SOX6: variants seen among roughly 807,000 people sequenced by gnomAD.
The protein encoded by SOX6 is SRY-box transcription factor 6, also known as transcription factor SOX-6.
In SOX6, 11 loss-of-function variants were observed where a neutral mutation model predicts 97.8. That is an observed-to-expected ratio of 0.11 (90% confidence interval 0.07 to 0.19). SOX6 has a LOEUF of 0.19. Among genes scored for constraint, SOX6 ranks in the 10% least tolerant of loss-of-function variants. The probability of loss-of-function intolerance (pLI) is 1.00; values close to 1 mark genes in which losing one functional copy is unlikely to be tolerated. For synonymous variants in SOX6, 360 were observed against 371.4 expected (o/e 0.97, Z 0.35); for missense variants, 810 against 1,039.5 (o/e 0.78, Z 3.04).
intron 6 of SOX6, among the ~76,000 whole-genome samples, chr11:16,144,550 T>C (rs933371317): frequency 6.6e-6 from 1 of 152,046 alleles, no homozygotes; most frequent in Non-Finnish European, 1.5e-5. Flanking sequence ...AAAAAATCAA[T>C]GAATCCAGCA....
chr11:16,339,054 A>G (rs1302135169), intron 2 of SOX6, among the ~76,000 whole-genome samples: 1 of 152,050 alleles, frequency 6.6e-6, no homozygotes, highest in Non-Finnish European at 1.5e-5. Flanking sequence ...AAGCCAAAAT[A>G]TGTCTTAAAC....
chr11:16,496,871 C>G lies in SOX6; in HGVS notation n.610-20483G>C, dbSNP rs564446533. Among the ~76,000 whole-genome samples, 6 of 152,318 alleles carry G rather than the reference C, an allele frequency of 3.9e-5. No individual in the cohort carries two copies. The South Asian group carries it at 1.2e-3, about 32-fold the overall frequency. ...GCAGGTCAAGGAGGCCTGCCTGCCTCTATAGACTCCACCTCTGGGGAGAGT... is the reference window on the plus strand; with the variant it reads ...GCAGGTCAAGGAGGCCTGCCTGCCTGTATAGACTCCACCTCTGGGGAGAGT... On this transcript the variant is annotated intron_variant and non_coding_transcript_variant, in intron 4 of 5. Coordinates refer to the SOX6 transcript ENST00000524520.
At position 16,588,539 on chromosome 11, in the gene SOX6, G is replaced by C. The variant is rs75494746; in HGVS notation, n.609+23542C>G. ...CTGATTTTATCTAAATCCAAGGAAG[G>C]CTGGGTGCAGAAACAACAAAGAGCC... is the stretch of plus-strand genomic sequence containing the variant. On this transcript the variant is annotated intron_variant and non_coding_transcript_variant, in intron 4 of 5. Transcript: ENST00000524520. Among the ~76,000 whole-genome samples the C allele has an allele frequency of 5.8e-4, 89 of 152,208 alleles. 3 individuals carry two copies. The East Asian group carries it at 6.0e-3, about 10-fold the overall frequency.
At chr11:16,737,537 T>G (rs1216420905) in intron 1 of SOX6, among the ~76,000 whole-genome samples, 2 of 151,754 alleles carry the variant, frequency 1.3e-5, no homozygotes, top group Non-Finnish European at 2.9e-5. Flanking sequence ...AAAAATCACA[T>G]TTGTATTCAA....
At chr11:16,318,405 G>A (rs768411438) in intron 3 of SOX6, 41 bp downstream of exon 3, 22 of 1,569,034 alleles carry the variant, frequency 1.4e-5, no homozygotes, top group East Asian at 2.3e-5. Flanking sequence ...GGAATCTTTA[G>A]AAGAAAAAAA....
At chr11:16,469,076 GA>G (rs1432195673) in intron 1 of SOX6, among the ~76,000 whole-genome samples, 4,194 of 132,376 alleles carry the variant, frequency 0.032, 163 homozygotes, top group African/African-American at 0.1. Context: ...TTGGTACAGC[GA>G]AAAAAAAAAA....
chr11:16,560,580 CATATATGTTTATACGT>C (rs1847803024), intron 4 of SOX6, among the ~76,000 whole-genome samples: 1 of 105,752 alleles, frequency 9.5e-6, no homozygotes, highest in Non-Finnish European at 2.0e-5. Context: ...TTTATACGTA[CATATATGTTTATACGT>C]ACATGTATGT....
chr11:16,176,533 T>A (rs1312586626), intron 6 of SOX6, among the ~76,000 whole-genome samples: 1 of 151,864 alleles, frequency 6.6e-6, no homozygotes, highest in Non-Finnish European at 1.5e-5. Flanking sequence ...GGTTCATATG[T>A]AAACACCAAA....
At chr11:16,432,234 G>A (rs17555513) in intron 1 of SOX6, among the ~76,000 whole-genome samples, 4,444 of 151,980 alleles carry the variant, frequency 0.029, 94 homozygotes, top group Non-Finnish European at 0.042. Context: ...AAATATCTGC[G>A]CCCCACTGAG....
intron 6 of SOX6, among the ~76,000 whole-genome samples, chr11:16,179,519 G>T (rs916820175): frequency 9.9e-5 from 15 of 151,868 alleles, no homozygotes; most frequent in Admixed American, 6.6e-5. Context: ...AAAGTTTTCA[G>T]ATAAGACAAA....
chr11:16,389,965 G>T, intron 1 of SOX6, among the ~76,000 whole-genome samples: 1 of 33,016 alleles, frequency 3.0e-5, no homozygotes, highest in African/African-American at 1.5e-4. Context: ...GCAAGACTCC[G>T]TCTTAAAAAA....
chr11:16,404,812 A>T (rs1179258793), intron 1 of SOX6, among the ~76,000 whole-genome samples: 1 of 152,026 alleles, frequency 6.6e-6, no homozygotes, highest in Non-Finnish European at 1.5e-5. Context: ...GAAATGTTTT[A>T]AACTCTTTTG....
chr11:16,456,656 T>C (rs1314607600), intron 1 of SOX6, among the ~76,000 whole-genome samples: 2 of 152,138 alleles, frequency 1.3e-5, no homozygotes, highest in African/African-American at 2.4e-5. Context: ...TAGTTATGTA[T>C]GTCAATGCAG....
chr11:16,558,823 T>A (rs1847777245), intron 4 of SOX6, among the ~76,000 whole-genome samples: 1 of 151,980 alleles, frequency 6.6e-6, no homozygotes, highest in Non-Finnish European at 1.5e-5. Context: ...AAATAAGAAT[T>A]CTCAACTAAA....
chr11:16,141,415 C>A (rs1354972953), intron 6 of SOX6, among the ~76,000 whole-genome samples: 1 of 152,090 alleles, frequency 6.6e-6, no homozygotes, highest in Non-Finnish European at 1.5e-5. Flanking sequence ...GGAACAGCTC[C>A]AGTGTACAGC....
intron 4 of SOX6, among the ~76,000 whole-genome samples, chr11:16,508,700 G>A (rs1193754607): frequency 6.6e-6 from 1 of 152,080 alleles, no homozygotes; most frequent in Non-Finnish European, 1.5e-5. Flanking sequence ...AGGAGGGTGG[G>A]AGATGAGGAA....
intron 1 of SOX6, among the ~76,000 whole-genome samples, chr11:16,445,672 G>C (rs962117355): frequency 2.0e-5 from 3 of 151,950 alleles, no homozygotes; most frequent in Non-Finnish European, 4.4e-5. Flanking sequence ...GAGTACCCTT[G>C]AGGAGGCTGG....
At chr11:16,187,150 C>A (rs949497341) in intron 4 of SOX6, among the ~76,000 whole-genome samples, 195 bp from the exon 5 acceptor site, 1 of 152,064 alleles carries the variant, frequency 6.6e-6, no homozygotes, top group Non-Finnish European at 1.5e-5. Flanking sequence ...CCTCACTGTT[C>A]CTGCCAAGAG....
At chr11:16,119,490 T>C (rs1047754237) in intron 6 of SOX6, among the ~76,000 whole-genome samples, 19 of 152,240 alleles carry the variant, frequency 1.2e-4, no homozygotes. Context: ...CTATGCTGTG[T>C]TCTTTGCTGT....
Sources: allele counts gnomAD v4.1 joint callset (sites outside exome capture counted in the v4.1 genomes callset), GRCh38; gene constraint gnomAD v4.1.1; transcripts MANE v1.5; gene names NCBI Gene and HGNC (gene_info 2026-07-23, HGNC 2026-07-21).